TENT4A: variants seen among roughly 807,000 people sequenced by gnomAD.
TENT4A encodes DNA polymerase kappa.
Under a neutral mutation model 72.8 loss-of-function variants are expected in TENT4A, and 7 were observed. That is an observed-to-expected ratio of 0.10 (90% CI 0.05 to 0.18). The LOEUF (loss-of-function observed/expected upper bound fraction) is 0.18, where lower values mean the gene tolerates loss of function less well. Ranked by LOEUF, TENT4A falls within the 10% of genes least tolerant of loss-of-function variation. TENT4A has a pLI of 1.00. For synonymous variants in TENT4A, 456 were observed against 434.3 expected (o/e 1.05, Z -0.62); for missense variants, 831 against 1,017.7 (o/e 0.82, Z 2.50).
chr5:6,717,325 C>T (rs1375441797), intron 1 of TENT4A, among the ~76,000 whole-genome samples: 2 of 152,242 alleles, frequency 1.3e-5, no homozygotes, highest in African/African-American at 2.4e-5. Context: ...GTGATATAGT[C>T]CCAGGACATG....
intron 1 of TENT4A, among the ~76,000 whole-genome samples, chr5:6,720,719 T>A (rs551516362): frequency 1.4e-5 from 2 of 138,648 alleles, no homozygotes; most frequent in South Asian, 2.4e-4. Context: ...AATAAATAAA[T>A]AAAAGTTTGC....
chr5:6,733,489 C>T (rs886442771), intron 1 of TENT4A, among the ~76,000 whole-genome samples: 1 of 152,234 alleles, frequency 6.6e-6, no homozygotes, highest in Admixed American at 6.5e-5. Context: ...GAAATTTCTT[C>T]GATTTGGAGA....
chr5:6,739,237 C>T (rs1471765107), intron 3 of TENT4A, among the ~76,000 whole-genome samples: 1 of 152,212 alleles, frequency 6.6e-6, no homozygotes, highest in African/African-American at 2.4e-5. Context: ...TCATTAAAAG[C>T]TTACCTTCTA....
At chr5:6,741,081 T>G (rs1741779530) in intron 4 of TENT4A, among the ~76,000 whole-genome samples, 1 of 152,208 alleles carries the variant, frequency 6.6e-6, no homozygotes, top group African/African-American at 2.4e-5. Context: ...GTAGAGGAAC[T>G]AAGGCGCGGC....
At chr5:6,722,697 T>G (rs890020205) in intron 1 of TENT4A, among the ~76,000 whole-genome samples, 1 of 135,956 alleles carries the variant, frequency 7.4e-6, no homozygotes, top group Non-Finnish European at 1.6e-5. Context: ...TCATTTAAAG[T>G]TGGTTAAGGT....
At chr5:6,727,965 TTC>T (rs139102880) in intron 1 of TENT4A, among the ~76,000 whole-genome samples, 3,491 of 152,306 alleles carry the variant, frequency 0.023, 40 homozygotes, top group Non-Finnish European at 0.03. Context: ...GTGAGTTCTT[TTC>T]TCTGTCTCCC....
chr5:6,740,022 T>C (rs1355950979), intron 4 of TENT4A, among the ~76,000 whole-genome samples, 170 bp downstream of exon 4: 3 of 152,230 alleles, frequency 2.0e-5, no homozygotes, highest in African/African-American at 7.2e-5. Flanking sequence ...TTTTGTTTCA[T>C]AGTCGTGATC....
rs1742233133 is a variant in TENT4A at position 6,748,609 on chromosome 5, G to T, written c.1586+19G>T. The T allele has an allele frequency of 1.9e-6, 3 of 1,601,228 alleles. No homozygotes were observed. The East Asian group carries it at 6.7e-5, about 36-fold the overall frequency. The stretch of plus-strand genomic sequence containing the variant: ...CCGAAAGGTAATGGGTTGTGTGTCT[G>T]CGTCTGGGCTCAGCGTGCCTGTGGG... On this transcript the variant is annotated intron_variant, in intron 8 of 12. Coordinates refer to ENST00000230859, the MANE Select transcript of TENT4A (RefSeq NM_006999.6).
chr5:6,739,147 C>T (rs894177201), intron 3 of TENT4A, among the ~76,000 whole-genome samples: 20 of 152,190 alleles, frequency 1.3e-4, no homozygotes, highest in African/African-American at 4.8e-4. Context: ...AAATGTCAAA[C>T]AAGTTTGCAT....
chr5:6,753,984 C>G (rs1010035923), intron 12 of TENT4A, among the ~76,000 whole-genome samples: 2 of 152,204 alleles, frequency 1.3e-5, no homozygotes, highest in African/African-American at 2.4e-5. Flanking sequence ...CGTGTGTTCC[C>G]TCTCAGTCTG....
At chr5:6,737,909 GTTTTTTT>G (rs374682397) in intron 2 of TENT4A, among the ~76,000 whole-genome samples, 2 of 129,098 alleles carry the variant, frequency 1.5e-5, no homozygotes, top group African/African-American at 2.9e-5. Flanking sequence ...GATTTGTTGG[GTTTTTTT>G]TTTTTTTTTT....
Position 6,714,241 on chromosome 5 carries a change from C to T in TENT4A, c.258C>T (p.Pro86=). The T allele has an allele frequency of 9.9e-7, 1 of 1,014,954 alleles. No individual in the cohort carries two copies. 62.9% of individuals were successfully genotyped at this position (1,014,954 alleles called of 1,614,324 possible). A position where few individuals can be genotyped will look rare whatever the true frequency, so the allele number is the denominator to read the frequency against. The change falls in exon 1 of 13, where the codon CCC becomes CCT. Residue 86 remains proline (P), a synonymous_variant. Transcript: ENST00000230859. ...CCACCGCGCCCGCCGCGCTGCCCCC[C>T]GCGCTGCTGACGGCGCTGGGGCCCG... The part of the protein sequence containing the change: ...PGPTAPAALP[P]ALLTALGPAA...
rs1742091990 is a variant in TENT4A at position 6,746,279 on chromosome 5, T to C, written c.1311T>C (p.Phe437=). The part of the protein sequence containing the change: ...ENLGMLLVEF[F]ELYGRNFNYL... ...TTGGAATGCTTCTTGTAGAATTTTT[T>C]GAACTCTATGGGAGAAATTTTAATT... is the stretch of plus-strand genomic sequence containing the variant. The change falls in exon 7 of 13, where the codon TTT becomes TTC. Residue 437 remains phenylalanine, a synonymous_variant. Coordinates refer to ENST00000230859, the MANE Select transcript of TENT4A (RefSeq NM_006999.6). 1.9e-6 allele frequency: 3 copies of C among 1,614,240 alleles called. No homozygotes were observed. In the East Asian group the frequency reaches 6.7e-5, roughly 36 times the overall value.
At position 6,739,855 on chromosome 5, in the gene TENT4A, G is replaced by A; in HGVS notation, c.1008+3G>A. The A allele has an allele frequency of 2.5e-6, 4 of 1,613,490 alleles. No individual in the cohort carries two copies. The highest frequency in any genetic ancestry group is 1.3e-5 in the African/African-American group (1 of 75,046). On this transcript the variant is annotated splice_donor_region_variant and intron_variant, in intron 4 of 12. Transcript: ENST00000230859. ...TCAAAGTCCTTGACAAGGCTACGGT[G>A]AGTGCCTGGCTTTGGCCCCTCTGAC...
Position 6,713,854 on chromosome 5 carries a change from G to C in TENT4A, c.-130G>C, listed in dbSNP as rs1306668450. ...GGGGCTCGGCCCGCCCGCCGCCGCCGCCGCCGCCGCCGCCACCGGCCCAGG... is the reference window on the plus strand; with the variant it reads ...GGGGCTCGGCCCGCCCGCCGCCGCCCCCGCCGCCGCCGCCACCGGCCCAGG... On this transcript the variant is annotated 5_prime_UTR_variant, in exon 1 of 13. Transcript: ENST00000230859. 1 of 172,216 alleles carries C rather than the reference G, an allele frequency of 5.8e-6. No homozygotes were observed. The highest frequency in any genetic ancestry group is 1.1e-5 in the Non-Finnish European group (1 of 91,896). The allele number at this position is 172,216 out of a possible 1,614,324, so 10.7% of individuals were successfully genotyped here. A position where few individuals can be genotyped will look rare whatever the true frequency, so the allele number is the denominator to read the frequency against.
chr5:6,750,590 T>G, intron 10 of TENT4A, 87 bp downstream of exon 10: 1 of 1,293,674 alleles, frequency 7.7e-7, no homozygotes, highest in Non-Finnish European at 1.1e-6. Flanking sequence ...AATCTCCCCC[T>G]TGGTTTTGCT....
At chr5:6,730,593 A>G (rs1579464661) in intron 1 of TENT4A, among the ~76,000 whole-genome samples, 1 of 152,240 alleles carries the variant, frequency 6.6e-6, no homozygotes, top group East Asian at 1.9e-4. Context: ...CTGCAGCTTC[A>G]TTCACAGCCC....
At chr5:6,725,388 G>A (rs192694809) in intron 1 of TENT4A, among the ~76,000 whole-genome samples, 2 of 152,318 alleles carry the variant, frequency 1.3e-5, no homozygotes, top group Admixed American at 6.5e-5. Flanking sequence ...CTTCTCAGGA[G>A]AGATGCCGAT....
chr5:6,748,715 G>C lies in TENT4A; in HGVS notation c.1586+125G>C. On this transcript the variant is annotated intron_variant, in intron 8 of 12. Transcript: ENST00000230859. ...TTCTGCCGTATTTCAGTAGAATCTA[G>C]ATATGTTGGTGAAGGAAGGCCTTCT... 5.8e-6 allele frequency: 6 copies of C among 1,028,166 alleles called. No homozygotes were observed. The South Asian group carries it at 1.1e-4, about 19-fold the overall frequency. 63.7% of individuals were successfully genotyped at this position (1,028,166 alleles called of 1,614,324 possible).
Sources: allele counts gnomAD v4.1 joint callset (sites outside exome capture counted in the v4.1 genomes callset), GRCh38; gene constraint gnomAD v4.1.1; transcripts MANE v1.5; gene names NCBI Gene and HGNC (gene_info 2026-07-23, HGNC 2026-07-21).